The following PSIP1 variants were observed in gnomAD, a reference collection of about 807,000 sequenced individuals.
The protein encoded by PSIP1 is PC4 and SRSF1 interacting protein 1, also known as PC4 and SFRS1-interacting protein.
Under a neutral mutation model 74.7 loss-of-function variants are expected in PSIP1, and 19 were observed. That is an observed-to-expected ratio of 0.25 (90% confidence interval 0.18 to 0.37). The LOEUF (loss-of-function observed/expected upper bound fraction) is 0.37. PSIP1 is among the 10% of genes least tolerant of loss of function. The pLI is 1.00. For synonymous variants in PSIP1, 222 were observed against 195.3 expected, an observed-to-expected ratio of 1.14 and a Z score of -1.14; for missense variants, 601 against 614.3, an observed-to-expected ratio of 0.98 and a Z score of 0.23.
chr9:15,488,308 G>A (rs1037446925), intron 4 of PSIP1, among the ~76,000 whole-genome samples: 33 of 152,126 alleles, frequency 2.2e-4, no homozygotes, highest in African/African-American at 8.0e-4. Context: ...TCCAGCCGGG[G>A]TGACAGAGTG....
At chr9:15,493,122 C>T (rs563957477) in intron 3 of PSIP1, among the ~76,000 whole-genome samples, 10 of 152,202 alleles carry the variant, frequency 6.6e-5, no homozygotes, top group South Asian at 2.1e-4. Flanking sequence ...ACTGCATCAT[C>T]GGGCTGCAAA....
intron 10 of PSIP1, chr9:15,470,672 G>C: frequency 1.1e-6 from 1 of 934,418 alleles, no homozygotes; most frequent in Non-Finnish European, 1.3e-6. Flanking sequence ...TAAAATTTTG[G>C]TTACAGTTTC....
At chr9:15,468,254 T>A (rs1250131906) in intron 14 of PSIP1, 1 of 468,324 alleles carries the variant, frequency 2.1e-6, no homozygotes, top group Non-Finnish European at 4.3e-6. Flanking sequence ...GTGTTTTAAT[T>A]TAAAAGGCTA....
chr9:15,469,446 T>C, intron 11 of PSIP1, 110 bp from the exon 12 acceptor site: 2 of 626,184 alleles, frequency 3.2e-6, no homozygotes, highest in East Asian at 5.7e-5. Flanking sequence ...ATGTTCTTAG[T>C]AATCTTTACT....
At chr9:15,490,842 TG>T (rs1449809365) in intron 3 of PSIP1, among the ~76,000 whole-genome samples, 1 of 152,176 alleles carries the variant, frequency 6.6e-6, no homozygotes, top group East Asian at 1.9e-4. Context: ...AAAACTATCG[TG>T]TTTTTAAAAT....
intron 3 of PSIP1, among the ~76,000 whole-genome samples, chr9:15,496,992 G>C (rs558168865): frequency 2.8e-4 from 43 of 152,292 alleles, no homozygotes; most frequent in African/African-American, 1.0e-3. Context: ...AAACGGTGCA[G>C]CTGATTTGGC....
intron 14 of PSIP1, among the ~76,000 whole-genome samples, chr9:15,467,772 A>G (rs1032097627): frequency 1.3e-5 from 2 of 152,218 alleles, no homozygotes; most frequent in Non-Finnish European, 2.9e-5. Context: ...GTTAGTGAAA[A>G]AAGTAGAAGC....
intron 6 of PSIP1, among the ~76,000 whole-genome samples, chr9:15,481,841 G>C (rs1314671681): frequency 2.6e-5 from 4 of 152,126 alleles, no homozygotes; most frequent in Non-Finnish European, 5.9e-5. Flanking sequence ...GCAAAATCAT[G>C]CAAGTCAGAA....
At chr9:15,465,660 T>C (rs1346058928) in intron 15 of PSIP1, 80 bp from the exon 16 acceptor site, 3 of 1,231,348 alleles carry the variant, frequency 2.4e-6, no homozygotes, top group Non-Finnish European at 3.4e-6. Flanking sequence ...GTCTGCATTA[T>C]ATTTTTAAAC....
intron 3 of PSIP1, among the ~76,000 whole-genome samples, chr9:15,494,372 C>T (rs1383712749): frequency 1.3e-5 from 2 of 151,920 alleles, no homozygotes; most frequent in African/African-American, 4.8e-5. Context: ...TTGAAACCAG[C>T]CTGGCCAATG....
intron 15 of PSIP1, chr9:15,465,791 T>TCCA (rs1325194386): frequency 3.3e-5 from 16 of 478,732 alleles, no homozygotes; most frequent in African/African-American, 3.3e-4. Context: ...CTTCCCAAAG[T>TCCA]AATATGCAGA....
chr9:15,469,088 G>A, intron 12 of PSIP1, 30 bp from the exon 13 acceptor site: 1 of 1,576,376 alleles, frequency 6.3e-7, no homozygotes, highest in Non-Finnish European at 8.7e-7. Flanking sequence ...TTTCATAGCT[G>A]TTAATTATCT....
intron 7 of PSIP1, among the ~76,000 whole-genome samples, chr9:15,479,134 T>C (rs1177788171): frequency 2.6e-5 from 4 of 152,138 alleles, no homozygotes; most frequent in Non-Finnish European, 5.9e-5. Context: ...ATATTTCCAA[T>C]TTGCCAAATT....
intron 4 of PSIP1, among the ~76,000 whole-genome samples, chr9:15,487,924 T>A (rs916195368): frequency 6.6e-6 from 1 of 152,218 alleles, no homozygotes; most frequent in African/African-American, 2.4e-5. Context: ...AATCATTTAA[T>A]GTGGCCTTGG....
chr9:15,481,895 T>C (rs1186741592), intron 6 of PSIP1, among the ~76,000 whole-genome samples: 2 of 152,162 alleles, frequency 1.3e-5, no homozygotes, highest in Admixed American at 6.5e-5. Flanking sequence ...AAATATTTTA[T>C]CTAAAGAAAG....
At chr9:15,500,224 T>G (rs1470421881) in intron 3 of PSIP1, among the ~76,000 whole-genome samples, 5 of 152,060 alleles carry the variant, frequency 3.3e-5, no homozygotes, top group African/African-American at 4.8e-5. Flanking sequence ...CCCAGCACTG[T>G]GGAGGCCGAG....
chr9:15,503,193 C>A (rs573174352), intron 3 of PSIP1, among the ~76,000 whole-genome samples: 7 of 151,820 alleles, frequency 4.6e-5, no homozygotes, highest in Admixed American at 1.3e-4. Flanking sequence ...ATGGTGAAAC[C>A]CCATCTCTAC....
In PSIP1 at chr9:15,509,332, A is replaced by G. The variant is rs767230776; in HGVS notation, c.72+785T>C. Among the ~76,000 whole-genome samples, 81 of 152,202 alleles carry G rather than the reference A, an allele frequency of 5.3e-4. 1 individual carries two copies. The highest frequency in any genetic ancestry group is 2.1e-4 in the Non-Finnish European group (14 of 68,024). On this transcript the variant is annotated intron_variant, in intron 2 of 15. Coordinates refer to ENST00000380733, the MANE Select transcript of PSIP1 (RefSeq NM_033222.5). ...TGTTTGAGAGCCTGGGTACCACCAT[A>G]AACAAAAAGAACCCTTTTTCTAAAA...
chr9:15,470,620 A>G (rs2035782009), intron 10 of PSIP1: 8 of 954,370 alleles, frequency 8.4e-6, no homozygotes, highest in African/African-American at 1.8e-5. Flanking sequence ...AGAACAAAAA[A>G]TATCTAAAAA....
Sources: allele counts gnomAD v4.1 joint callset (sites outside exome capture counted in the v4.1 genomes callset), GRCh38; gene constraint gnomAD v4.1.1; transcripts MANE v1.5; gene names NCBI Gene and HGNC (gene_info 2026-07-23, HGNC 2026-07-21).